NEK1: variants seen among roughly 807,000 people sequenced by gnomAD.
NEK1 encodes NIMA related kinase 1.
Under a neutral mutation model 182.1 loss-of-function variants are expected in NEK1, and 137 were observed. The ratio of observed to expected loss-of-function variants is 0.75; its 90% CI spans 0.65 to 0.87. The LOEUF is 0.87. Among genes scored for constraint, NEK1 ranks in the 40% least tolerant of loss-of-function variants. NEK1 has a pLI of 0.00. For synonymous variants in NEK1, 513 were observed against 492.2 expected (o/e 1.04, Z -0.56); for missense variants, 1,391 against 1,494.4 (o/e 0.93, Z 1.14).
At chr4:169,429,572 TACATCTTTTCCACTGATGTGGAAAAG>T (rs1737037694) in intron 29 of NEK1, among the ~76,000 whole-genome samples, 2 of 148,288 alleles carry the variant, frequency 1.3e-5, no homozygotes, top group African/African-American at 2.5e-5. Context: ...CAGTGGAAAA[TACATCTTTTCCACTGATGTGGAAAAG>T]GACTCTTGCC....
chr4:169,593,144 CAAA>C (rs70964212), intron 5 of NEK1, among the ~76,000 whole-genome samples: 2 of 131,124 alleles, frequency 1.5e-5, no homozygotes, highest in African/African-American at 2.6e-5. Flanking sequence ...CAGGAACTAG[CAAA>C]AAAAAAAAAA....
intron 18 of NEK1, among the ~76,000 whole-genome samples, chr4:169,546,539 T>G (rs1760488908): frequency 6.6e-6 from 1 of 152,168 alleles, no homozygotes; most frequent in Non-Finnish European, 1.5e-5. Flanking sequence ...GATATCCTTG[T>G]TAATTTTGTG....
intron 9 of NEK1, among the ~76,000 whole-genome samples, chr4:169,586,424 T>A (rs1388974939): frequency 6.6e-6 from 1 of 152,042 alleles, no homozygotes; most frequent in African/African-American, 2.4e-5. Flanking sequence ...AAGATGTGGT[T>A]CTCTATTCCA....
intron 27 of NEK1, among the ~76,000 whole-genome samples, chr4:169,451,876 T>C (rs779548660): frequency 2.6e-5 from 4 of 152,100 alleles, no homozygotes; most frequent in Non-Finnish European, 4.4e-5. Flanking sequence ...ACAAAATTGA[T>C]AGACCACTAG....
intron 19 of NEK1, among the ~76,000 whole-genome samples, chr4:169,515,307 G>C (rs1475090898): frequency 2.0e-5 from 3 of 152,148 alleles, no homozygotes; most frequent in Admixed American, 6.5e-5. Flanking sequence ...GGTGGTTAGT[G>C]ATGGTGTTTA....
intron 27 of NEK1, among the ~76,000 whole-genome samples, chr4:169,443,367 C>A (rs986868423): frequency 2.0e-5 from 3 of 146,596 alleles, no homozygotes; most frequent in Non-Finnish European, 4.5e-5. Context: ...CCCCACCCAC[C>A]ACAAAATTCA....
At chr4:169,437,993 A>T in intron 28 of NEK1, 90 bp downstream of exon 28, 1 of 979,232 alleles carries the variant, frequency 1.0e-6, no homozygotes, top group Non-Finnish European at 1.4e-6. Context: ...ACCCAAACAT[A>T]TACAAATTTT....
chr4:169,577,612 G>C (rs1428718536), intron 11 of NEK1, among the ~76,000 whole-genome samples: 1 of 151,962 alleles, frequency 6.6e-6, no homozygotes, highest in African/African-American at 2.4e-5. Flanking sequence ...AAAATTAGCT[G>C]GGCTGGTGGT....
chr4:169,430,064 A>G (rs958520071), intron 29 of NEK1, among the ~76,000 whole-genome samples: 1 of 152,196 alleles, frequency 6.6e-6, no homozygotes, highest in Non-Finnish European at 1.5e-5. Context: ...AGAAATCTTT[A>G]CCATTTATTA....
At chr4:169,570,826 T>G (rs532859434) in intron 12 of NEK1, among the ~76,000 whole-genome samples, 3 of 152,252 alleles carry the variant, frequency 2.0e-5, no homozygotes, top group Admixed American at 6.5e-5. Context: ...CATTTTGTTC[T>G]GTACTAAGAA....
intron 27 of NEK1, among the ~76,000 whole-genome samples, chr4:169,460,059 A>C (rs1314942330): frequency 6.6e-6 from 1 of 152,150 alleles, no homozygotes; most frequent in Non-Finnish European, 1.5e-5. Flanking sequence ...TGGTCTATTG[A>C]TTAAAACAAA....
At chr4:169,395,817 T>C (rs1730583018) in intron 35 of NEK1, among the ~76,000 whole-genome samples, 1 of 152,212 alleles carries the variant, frequency 6.6e-6, no homozygotes, top group African/African-American at 2.4e-5. Context: ...GAAATTGATG[T>C]GTATTCTTCC....
intron 2 of NEK1, among the ~76,000 whole-genome samples, chr4:169,608,616 CAAAT>C (rs1771787653): frequency 6.6e-6 from 1 of 151,962 alleles, no homozygotes; most frequent in Non-Finnish European, 1.5e-5. Context: ...ATTTTTCTAA[CAAAT>C]AAAAAACTCG....
In NEK1 at chr4:169,531,420, C is replaced by T. The variant is rs1757655022; in HGVS notation, c.1665+6389G>A. 4.6e-5 allele frequency among the ~76,000 whole-genome samples: 7 copies of T among 151,496 alleles called. No homozygotes were observed. The South Asian group carries it at 1.5e-3, about 32-fold the overall frequency. On this transcript the variant is annotated intron_variant, in intron 19 of 35. Transcript: ENST00000507142. ...ACAGGATGATAACTACAGACGTATG[C>T]AGAGTTAATGATGTGAGAAATTTGA...
At chr4:169,536,864 T>C (rs989071449) in intron 19 of NEK1, among the ~76,000 whole-genome samples, 1 of 152,150 alleles carries the variant, frequency 6.6e-6, no homozygotes, top group African/African-American at 2.4e-5. Context: ...AGAGGAAAGA[T>C]ACAAATATAG....
rs180826399 is a variant in NEK1 at position 169,579,502 on chromosome 4, A to C, written c.868+1340T>G. 6.3e-3 allele frequency among the ~76,000 whole-genome samples: 955 copies of C among 152,256 alleles called. 5 individuals are homozygous for C. The highest frequency in any genetic ancestry group is 7.8e-3 in the Non-Finnish European group (529 of 68,018). On this transcript the variant is annotated intron_variant, in intron 11 of 35. Coordinates refer to ENST00000507142, the MANE Select transcript of NEK1 (RefSeq NM_001199397.3). Reference sequence around the variant, plus strand: ...GAGAGGATGTGTAAGGGTCTTTAAGAAGGGCTAAATGCAGCTGGTGGCTCA... The same window carrying C: ...GAGAGGATGTGTAAGGGTCTTTAAGCAGGGCTAAATGCAGCTGGTGGCTCA...
chr4:169,428,351 G>GATAT (rs60550267), intron 29 of NEK1, among the ~76,000 whole-genome samples: 5,287 of 93,192 alleles, frequency 0.057, 511 homozygotes, highest in African/African-American at 0.16. Context: ...AAATATATGG[G>GATAT]ATATATATAT....
intron 9 of NEK1, among the ~76,000 whole-genome samples, 190 bp from the exon 10 acceptor site, chr4:169,585,739 TAA>T (rs1435756080): frequency 1.3e-5 from 2 of 152,100 alleles, no homozygotes; most frequent in Non-Finnish European, 2.9e-5. Flanking sequence ...CCTCAAAAAA[TAA>T]GAGTAATTTT....
At chr4:169,465,411 G>C (rs1467119796) in intron 26 of NEK1, among the ~76,000 whole-genome samples, 1 of 152,078 alleles carries the variant, frequency 6.6e-6, no homozygotes, top group Non-Finnish European at 1.5e-5. Flanking sequence ...GTGGAAATGG[G>C]AGTCTAGGGA....
Sources: allele counts gnomAD v4.1 joint callset (sites outside exome capture counted in the v4.1 genomes callset), GRCh38; gene constraint gnomAD v4.1.1; transcripts MANE v1.5; gene names NCBI Gene and HGNC (gene_info 2026-07-23, HGNC 2026-07-21).